Variants in ATP2B1 observed in about 807,000 individuals in gnomAD.
ATP2B1 encodes ATPase plasma membrane Ca2+ transporting 1.
A neutral mutation model predicts 124.2 loss-of-function variants in ATP2B1; 14 were observed. That is an observed-to-expected ratio of 0.11 (90% confidence interval 0.07 to 0.18). ATP2B1 has a LOEUF of 0.18. ATP2B1 is among the 10% of genes least tolerant of loss of function. ATP2B1 has a pLI of 1.00. For synonymous variants in ATP2B1, 449 were observed against 492.4 expected, an observed-to-expected ratio of 0.91 and a Z score of 1.17; for missense variants, 763 against 1,466.1, an observed-to-expected ratio of 0.52 and a Z score of 7.83.
chr12:89,674,636 A>C (rs1048578247), intron 1 of ATP2B1, among the ~76,000 whole-genome samples: 3 of 152,188 alleles, frequency 2.0e-5, no homozygotes, highest in African/African-American at 7.2e-5. Flanking sequence ...TTTTTGGTTT[A>C]CTGTGCTCCT....
intron 1 of ATP2B1, among the ~76,000 whole-genome samples, chr12:89,697,670 C>CTTTTTTTT (rs56837729): frequency 7.6e-6 from 1 of 131,320 alleles, no homozygotes; most frequent in Non-Finnish European, 1.6e-5. Context: ...ATCCAAAAGG[C>CTTTTTTTT]TTTTTTTTTT....
chr12:89,624,390 C>T lies in ATP2B1; in HGVS notation c.1137G>A (p.Leu379=). Reference sequence around the variant, plus strand: ...GAATGATAACTGTGATGGCAGACATCAACAGACCTTTCAGAATAGAAATGA... The same window carrying T: ...GAATGATAACTGTGATGGCAGACATTAACAGACCTTTCAGAATAGAAATGA... ...LAVQIGKAGL[L]MSAITVIILV... is the part of the protein sequence containing the mutation. Residue 379 remains leucine (L), a synonymous_variant, in exon 9 of 21, where the codon TTG becomes TTA. Coordinates refer to ENST00000428670, the MANE Select transcript of ATP2B1 (RefSeq NM_001366521.1). 6.2e-7 allele frequency: 1 copy of T among 1,611,458 alleles called. No homozygotes were observed. Among genetic ancestry groups the T allele is most frequent in the Non-Finnish European group, 8.5e-7 (1 of 1,178,576 alleles).
intron 1 of ATP2B1, among the ~76,000 whole-genome samples, chr12:89,689,101 G>A (rs763454993): frequency 7.9e-5 from 12 of 152,038 alleles, no homozygotes; most frequent in Non-Finnish European, 1.5e-4. Context: ...ATGCTCTTTA[G>A]ACGTTGTTTT....
At chr12:89,693,364 G>A (rs1054423710) in intron 1 of ATP2B1, among the ~76,000 whole-genome samples, 1 of 152,184 alleles carries the variant, frequency 6.6e-6, no homozygotes, top group African/African-American at 2.4e-5. Flanking sequence ...AGTATAGAAG[G>A]CTCAGAGTTT....
chr12:89,673,107 T>A (rs1323144342), intron 1 of ATP2B1, among the ~76,000 whole-genome samples: 1 of 152,216 alleles, frequency 6.6e-6, no homozygotes, highest in African/African-American at 2.4e-5. Context: ...TAGACTAGAC[T>A]TCCAAACTGG....
At position 89,634,921 on chromosome 12, in the gene ATP2B1, A is replaced by T. The variant is rs764036721; in HGVS notation, c.662-18T>A. 1.9e-6 allele frequency: 3 copies of T among 1,611,296 alleles called. No individual in the cohort carries two copies. The African/African-American group carries it at 4.0e-5, about 22-fold the overall frequency. On this transcript the variant is annotated intron_variant, in intron 4 of 20. Coordinates refer to ENST00000428670, the MANE Select transcript of ATP2B1 (RefSeq NM_001366521.1). Reference sequence around the variant, plus strand: ...AAGATCACCTAAAATAAAAAGCATGATATACTAAACTTATAAACAAGATTA... The same window carrying T: ...AAGATCACCTAAAATAAAAAGCATGTTATACTAAACTTATAAACAAGATTA...
chr12:89,679,726 A>G (rs1044819194), intron 1 of ATP2B1, among the ~76,000 whole-genome samples: 4 of 152,182 alleles, frequency 2.6e-5, no homozygotes, highest in African/African-American at 9.6e-5. Flanking sequence ...AAAAGAGAAA[A>G]GGGGACCAAA....
chr12:89,677,808 A>T (rs1417062342), intron 1 of ATP2B1, among the ~76,000 whole-genome samples: 2 of 151,762 alleles, frequency 1.3e-5, no homozygotes, highest in Non-Finnish European at 2.9e-5. Flanking sequence ...TCACTCTTTA[A>T]TCAAAAACCT....
At chr12:89,600,793 C>T (rs911735858) in intron 19 of ATP2B1, among the ~76,000 whole-genome samples, 2 of 151,866 alleles carry the variant, frequency 1.3e-5, no homozygotes, top group South Asian at 2.1e-4. Context: ...GGATTACAGG[C>T]GCCTGCCACC....
At chr12:89,688,851 ATC>A (rs1890243170) in intron 1 of ATP2B1, among the ~76,000 whole-genome samples, 1 of 152,006 alleles carries the variant, frequency 6.6e-6, no homozygotes, top group African/African-American at 2.4e-5. Flanking sequence ...TATCCCCCAA[ATC>A]TTCCTTATGT....
Position 89,697,267 on chromosome 12 carries a change from C to T in ATP2B1, c.-222+11329G>A, listed in dbSNP as rs79089419. ...ATGTCTTTATGAGCTTGGGGTATGG[C>T]GGGTCAGAATCTCAGGGGAAGACTC... On this transcript the variant is annotated intron_variant, in intron 1 of 20. Transcript: ENST00000428670. 5.6e-4 allele frequency among the ~76,000 whole-genome samples: 85 copies of T among 152,008 alleles called. 1 individual carries two copies. The East Asian group carries it at 0.01, about 19-fold the overall frequency.
intron 1 of ATP2B1, among the ~76,000 whole-genome samples, chr12:89,706,785 T>G (rs1892502925): frequency 6.6e-6 from 1 of 152,188 alleles, no homozygotes; most frequent in Non-Finnish European, 1.5e-5. Context: ...AAGGTGGCGC[T>G]CTGTCCTCAA....
At chr12:89,672,367 T>C (rs1170419559) in intron 1 of ATP2B1, among the ~76,000 whole-genome samples, 3 of 151,844 alleles carry the variant, frequency 2.0e-5, no homozygotes, top group Admixed American at 2.0e-4. Flanking sequence ...GGTAGAAGGA[T>C]TGCTTGAATC....
chr12:89,637,150 A>G (rs904367577), intron 3 of ATP2B1, among the ~76,000 whole-genome samples: 4 of 152,218 alleles, frequency 2.6e-5, no homozygotes, highest in African/African-American at 7.2e-5. Flanking sequence ...GCAATACTTT[A>G]TAACAGCATA....
At chr12:89,656,982 T>C (rs1197889291) in intron 1 of ATP2B1, among the ~76,000 whole-genome samples, 1 of 152,222 alleles carries the variant, frequency 6.6e-6, no homozygotes, top group Non-Finnish European at 1.5e-5. Flanking sequence ...AATGAATACA[T>C]GCATTACATT....
rs867438141 is a variant in ATP2B1, at chr12:89,658,315, T to C, written c.-221-2208A>G. Among the ~76,000 whole-genome samples the C allele has an allele frequency of 2.0e-4, 30 of 152,228 alleles. 1 individual carries two copies. The highest frequency in any genetic ancestry group is 4.1e-4 in the Non-Finnish European group (28 of 68,016). On this transcript the variant is annotated intron_variant, in intron 1 of 20. Transcript: ENST00000428670. Reference sequence around the variant, plus strand: ...TGATAGGAGATTTTCCTAGAGAAACTAGACATATGTAGCTTCTTCACCTCT... The same window carrying C: ...TGATAGGAGATTTTCCTAGAGAAACCAGACATATGTAGCTTCTTCACCTCT...
chr12:89,702,136 G>C (rs1465516925), intron 1 of ATP2B1, among the ~76,000 whole-genome samples: 1 of 152,184 alleles, frequency 6.6e-6, no homozygotes, highest in Non-Finnish European at 1.5e-5. Context: ...TTTAGATTCA[G>C]CCCTTATTAG....
At position 89,621,654 on chromosome 12, in the gene ATP2B1, T is replaced by C. The variant is rs140509548; in HGVS notation, c.1482A>G (p.Glu494=). 8.6e-5 allele frequency: 138 copies of C among 1,612,132 alleles called. No individual in the cohort carries two copies. The highest frequency in any genetic ancestry group is 8.2e-4 in the Middle Eastern group (5 of 6,072). ...GTTCAGGAACCTTTTTATAATGTTT[T>C]TCATTTATGTAAGCTTGAACGACTG... ...RMTVVQAYIN[E]KHYKKVPEPE... Residue 494 remains glutamate, a synonymous_variant, in exon 10 of 21, where the codon GAA becomes GAG. Coordinates refer to ENST00000428670, the MANE Select transcript of ATP2B1 (RefSeq NM_001366521.1).
chr12:89,592,376 G>C (rs1266632908), intron 20 of ATP2B1, among the ~76,000 whole-genome samples: 2 of 151,930 alleles, frequency 1.3e-5, no homozygotes, highest in Non-Finnish European at 2.9e-5. Context: ...TGACATTCTA[G>C]AAAAAAGATG....
Sources: allele counts gnomAD v4.1 joint callset (sites outside exome capture counted in the v4.1 genomes callset), GRCh38; gene constraint gnomAD v4.1.1; transcripts MANE v1.5; gene names NCBI Gene and HGNC (gene_info 2026-07-23, HGNC 2026-07-21).